GPHN: variants seen among roughly 807,000 people sequenced by gnomAD.
GPHN encodes the protein gephyrin.
A neutral mutation model predicts 95.5 loss-of-function variants in GPHN; 17 were observed. The observed-to-expected ratio is 0.18, with a 90% CI of 0.12 to 0.27. The LOEUF (loss-of-function observed/expected upper bound fraction) is 0.27, where lower values mean the gene tolerates loss of function less well. GPHN is among the 10% of genes least tolerant of loss of function. GPHN has a pLI of 1.00. For missense variants in GPHN, 660 were observed against 978.1 expected (o/e 0.67, Z 4.34); for synonymous variants, 320 against 322.5 (o/e 0.99, Z 0.08).
At chr14:67,582,233 G>A in the GPHN span, 1 of 1,613,400 alleles carries the variant, frequency 6.2e-7, no homozygotes, top group African/African-American at 1.3e-5. The surrounding 1 kb of genome is among the most constrained non-coding windows in gnomAD (Gnocchi z 5.0). Flanking sequence ...TCAGGAAGCA[G>A]GAGGGTCGGG....
chr14:67,585,338 T>C, the GPHN span: 3 of 513,808 alleles, frequency 5.8e-6, no homozygotes, highest in African/African-American at 2.0e-5. Context: ...GCCTCTGCCT[T>C]TGAGATGGTT....
chr14:67,322,892 T>G, the GPHN span, among the ~76,000 whole-genome samples: 1 of 152,190 alleles, frequency 6.6e-6, no homozygotes. Flanking sequence ...AAGTGAAAAC[T>G]GCAATCTCCA....
chr14:67,731,207 C>CTTTTTTTT, the GPHN span, among the ~76,000 whole-genome samples: 69 of 90,590 alleles, frequency 7.6e-4, no homozygotes, highest in African/African-American at 3.1e-3. Context: ...TTCTTTCTTT[C>CTTTTTTTT]TTTTTTTTTT....
At chr14:67,437,070 A>G in the GPHN span, among the ~76,000 whole-genome samples, 3 of 152,110 alleles carry the variant, frequency 2.0e-5, no homozygotes, top group African/African-American at 7.2e-5. Flanking sequence ...AAACAAACAA[A>G]CAACAACAAT....
intron 13 of GPHN, among the ~76,000 whole-genome samples, chr14:67,106,005 G>A (rs1403562028): frequency 1.3e-5 from 2 of 151,980 alleles, no homozygotes; most frequent in Non-Finnish European, 2.9e-5. Context: ...TTTTATGCTT[G>A]TGTGTGTTTT....
At chr14:67,651,015 A>G in the GPHN span, 1 of 1,277,216 alleles carries the variant, frequency 7.8e-7, no homozygotes, top group Non-Finnish European at 1.1e-6. Context: ...CTGGGTCAAT[A>G]CTGCCTTAAT....
At chr14:67,682,546 C>T in the GPHN span, among the ~76,000 whole-genome samples, 7 of 152,192 alleles carry the variant, frequency 4.6e-5, no homozygotes, top group East Asian at 1.4e-3. Context: ...AAAATAAAAA[C>T]AAGATATTCC....
intron 1 of GPHN, among the ~76,000 whole-genome samples, chr14:66,677,725 A>G (rs982898085): frequency 3.3e-5 from 5 of 151,950 alleles, no homozygotes; most frequent in Admixed American, 2.0e-4. Flanking sequence ...AGAATGTTCT[A>G]TGTGCTGATG....
chr14:67,306,045 C>G, the GPHN span, among the ~76,000 whole-genome samples: 1 of 152,234 alleles, frequency 6.6e-6, no homozygotes. Flanking sequence ...TCTGGGCTCA[C>G]TGCAACCTCC....
rs550778965 is a variant in GPHN, at chr14:67,095,074, G to A, written c.1238-5782G>A. 4.6e-5 allele frequency among the ~76,000 whole-genome samples: 7 copies of A among 152,256 alleles called. No homozygotes were observed. In the East Asian group the frequency reaches 1.3e-3, roughly 29 times the overall value. ...GCATTTCTCAGAATATATCCCCATT[G>A]TTAAGTGACTCATGACTGTATCAGG... On this transcript the variant is annotated intron_variant, in intron 12 of 22. Coordinates refer to ENST00000478722, the MANE Select transcript of GPHN (RefSeq NM_020806.5).
intron 1 of GPHN, among the ~76,000 whole-genome samples, chr14:66,662,959 G>C (rs929110112): frequency 6.6e-6 from 1 of 152,152 alleles, no homozygotes; most frequent in Admixed American, 6.5e-5. Flanking sequence ...CAAAACCTCT[G>C]AGAAATATGA....
intron 9 of GPHN, among the ~76,000 whole-genome samples, chr14:66,968,014 C>T (rs2069469299): frequency 6.6e-6 from 1 of 151,986 alleles, no homozygotes; most frequent in South Asian, 2.1e-4. Context: ...TCAGTGATGT[C>T]AACAGCCAAT....
chr14:67,733,873 C>T, the GPHN span: 1 of 1,533,732 alleles, frequency 6.5e-7, no homozygotes, highest in African/African-American at 1.4e-5. Context: ...GCAGCTTTAT[C>T]AGGCCCAATC....
chr14:67,115,909 A>C (rs1012207099), intron 16 of GPHN, among the ~76,000 whole-genome samples: 1 of 152,216 alleles, frequency 6.6e-6, no homozygotes, highest in Non-Finnish European at 1.5e-5. Flanking sequence ...GTTAAGGACC[A>C]GCAAATTATT....
At chr14:67,486,760 C>T in the GPHN span, among the ~76,000 whole-genome samples, 3 of 152,112 alleles carry the variant, frequency 2.0e-5, no homozygotes, top group African/African-American at 7.2e-5. Context: ...ATCAGCAGCA[C>T]GAAAACAAAC....
intron 1 of GPHN, among the ~76,000 whole-genome samples, chr14:66,667,199 T>A (rs900363378): frequency 3.0e-4 from 45 of 152,184 alleles, no homozygotes; most frequent in Admixed American, 2.9e-3. Flanking sequence ...ATTGGTAAAA[T>A]GGCCAAAATG....
intron 2 of GPHN, among the ~76,000 whole-genome samples, chr14:66,696,711 T>C (rs1269583527): frequency 2.6e-5 from 4 of 152,200 alleles, no homozygotes; most frequent in African/African-American, 9.6e-5. Flanking sequence ...TAGACTGTGA[T>C]GAAGTACCCC....
At chr14:66,895,928 AT>A (rs1416061386) in intron 5 of GPHN, among the ~76,000 whole-genome samples, 1 of 152,176 alleles carries the variant, frequency 6.6e-6, no homozygotes, top group African/African-American at 2.4e-5. Context: ...AGACTGGGTA[AT>A]TTATAAACAA....
the GPHN span, among the ~76,000 whole-genome samples, chr14:67,252,444 C>T: frequency 1.3e-5 from 2 of 152,096 alleles, no homozygotes; most frequent in South Asian, 2.1e-4. Flanking sequence ...AGTGAGCCAC[C>T]GTGCTCAGCA....
Sources: gnomAD v4.1 joint callset for allele counts (sites outside exome capture counted in the v4.1 genomes callset) on GRCh38, gnomAD v4.1.1 for gene constraint, Gnocchi (gnomAD v3.1) non-coding constraint, MANE v1.5 for transcripts, NCBI Gene and HGNC (gene_info 2026-07-23, HGNC 2026-07-21) for gene names.